The following LRCH3 variants were observed in gnomAD, a reference collection of about 807,000 sequenced individuals.
LRCH3 encodes the protein leucine rich repeats and calponin homology domain containing 3, also known as DISP complex protein LRCH3.
In LRCH3, 68 loss-of-function variants were observed where a neutral mutation model predicts 104.5. The ratio of observed to expected loss-of-function variants is 0.65; its 90% confidence interval spans 0.54 to 0.80. LRCH3 has a LOEUF of 0.80. LRCH3 is among the 30% of genes least tolerant of loss of function. The pLI is 0.00. For missense variants in LRCH3, 951 were observed against 953.9 expected, an observed-to-expected ratio of 1.00 and a Z score of 0.04; for synonymous variants, 344 against 361.3, an observed-to-expected ratio of 0.95 and a Z score of 0.54.
intron 15 of LRCH3, among the ~76,000 whole-genome samples, chr3:197,861,844 T>G (rs1415659016): frequency 2.6e-5 from 4 of 152,190 alleles, no homozygotes; most frequent in East Asian, 3.8e-4. Context: ...TCACAGTGAT[T>G]TAAGCTAATG....
At chr3:197,826,437 T>G (rs931242123) in intron 4 of LRCH3, among the ~76,000 whole-genome samples, 4 of 152,206 alleles carry the variant, frequency 2.6e-5, no homozygotes, top group Non-Finnish European at 5.9e-5. Context: ...CTGGGATCCC[T>G]TAGTTCCGAG....
intron 9 of LRCH3, among the ~76,000 whole-genome samples, chr3:197,838,226 C>T (rs1018945528): frequency 6.6e-6 from 1 of 152,236 alleles, no homozygotes; most frequent in Non-Finnish European, 1.5e-5. Context: ...TTGAGGCCGG[C>T]CTGGGCCACA....
chr3:197,857,100 G>A (rs1358470724), intron 14 of LRCH3, among the ~76,000 whole-genome samples: 1 of 148,136 alleles, frequency 6.8e-6, no homozygotes, highest in African/African-American at 2.5e-5. Flanking sequence ...CAGTTACACT[G>A]ACATTATCTT....
chr3:197,867,874 C>CAA (rs1335259955), intron 17 of LRCH3, among the ~76,000 whole-genome samples: 5 of 151,260 alleles, frequency 3.3e-5, no homozygotes, highest in Admixed American at 2.0e-4. Flanking sequence ...AACAAACAAA[C>CAA]AAAAAAAGGC....
In LRCH3 at chr3:197,847,907, G is replaced by T; in HGVS notation, c.1416G>T (p.Arg472Ser). Reference sequence around the variant, plus strand: ...CAGACCTGGAACTTCATCAGAGAAGGGAGCAGTTAGTAGAGCGCACTCGGA... The same window carrying T: ...CAGACCTGGAACTTCATCAGAGAAGTGAGCAGTTAGTAGAGCGCACTCGGA... The part of the protein sequence containing the change: ...SHTDLELHQR[R>S]EQLVERTRRE... The change falls in exon 12 of 21, where the codon AGG (arginine) becomes AGT (serine). Residue 472 changes from arginine to serine, a missense_variant. Transcript: ENST00000425562. 6.2e-7 allele frequency: 1 copy of T among 1,614,056 alleles called. No homozygotes were observed.
intron 4 of LRCH3, among the ~76,000 whole-genome samples, chr3:197,821,219 G>A (rs1405932608): frequency 6.6e-6 from 1 of 152,204 alleles, no homozygotes; most frequent in Admixed American, 6.6e-5. Flanking sequence ...AATGAACCAT[G>A]TGGAGGTGAT....
intron 15 of LRCH3, among the ~76,000 whole-genome samples, chr3:197,863,840 A>C (rs1446664704): frequency 6.6e-6 from 1 of 152,220 alleles, no homozygotes; most frequent in Non-Finnish European, 1.5e-5. Flanking sequence ...AAAATATTAA[A>C]TTTTATTCTC....
intron 1 of LRCH3, among the ~76,000 whole-genome samples, chr3:197,801,188 CATAAT>C (rs1377880778): frequency 1.3e-5 from 2 of 151,568 alleles, no homozygotes; most frequent in Admixed American, 6.6e-5. Context: ...AAGTGTGAAG[CATAAT>C]ATATACGGTG....
Position 197,879,925 on chromosome 3 carries a change from A to C in LRCH3, c.2209-3616A>C, listed in dbSNP as rs557792639. On this transcript the variant is annotated intron_variant, in intron 20 of 20. Coordinates refer to ENST00000425562, the MANE Select transcript of LRCH3 (RefSeq NM_001365715.1). ...TTCAGGCCTCACACGACCCTAAACC[A>C]ACATCCACTTCTGTGTATTGTATTT... Among the ~76,000 whole-genome samples the C allele has an allele frequency of 4.5e-4, 67 of 150,552 alleles. No individual in the cohort carries two copies. In the South Asian group the frequency reaches 0.011, roughly 24 times the overall value.
chr3:197,825,463 G>GTTTTTTTTTT (rs1491060533), intron 4 of LRCH3, among the ~76,000 whole-genome samples: 3 of 29,358 alleles, frequency 1.0e-4, no homozygotes, highest in Non-Finnish European at 1.4e-4. Flanking sequence ...GATCCTCTTT[G>GTTTTTTTTTT]ATTTTTTTTT....
At chr3:197,817,095 CT>C in intron 2 of LRCH3, 80 bp from the exon 3 acceptor site, 1 of 1,225,760 alleles carries the variant, frequency 8.2e-7, no homozygotes, top group Non-Finnish European at 1.1e-6. Flanking sequence ...TGTTATTTTA[CT>C]GAGTATAGCG....
chr3:197,802,644 A>G (rs1410463295), intron 1 of LRCH3, among the ~76,000 whole-genome samples: 1 of 152,084 alleles, frequency 6.6e-6, no homozygotes, highest in East Asian at 1.9e-4. Context: ...TTCTTTGGTG[A>G]GAGACTTACT....
chr3:197,848,290 C>A, intron 12 of LRCH3: 1 of 330,546 alleles, frequency 3.0e-6, no homozygotes, highest in Non-Finnish European at 5.6e-6. Flanking sequence ...TAGTAAAGAT[C>A]AGTAAGATGA....
chr3:197,821,738 G>A (rs1734514630), intron 4 of LRCH3, among the ~76,000 whole-genome samples: 1 of 152,190 alleles, frequency 6.6e-6, no homozygotes, highest in Admixed American at 6.5e-5. Flanking sequence ...GCAGTGGCAC[G>A]AACATGGCTC....
Position 197,831,172 on chromosome 3 carries a change from A to G in LRCH3, c.981+309A>G, listed in dbSNP as rs368929390. The G allele has an allele frequency of 1.9e-5, 5 of 257,612 alleles. No individual in the cohort carries two copies. The East Asian group carries it at 2.9e-4, about 15-fold the overall frequency. 16.0% of individuals were successfully genotyped at this position (257,612 alleles called of 1,614,324 possible). A position where few individuals can be genotyped will look rare whatever the true frequency, so the allele number is the denominator to read the frequency against. On this transcript the variant is annotated intron_variant, in intron 7 of 20. Coordinates refer to ENST00000425562, the MANE Select transcript of LRCH3 (RefSeq NM_001365715.1). ...TCTGAGGTGGGGGGTAATCTCGAGC[A>G]GAGGTGCTAGATGGTGAGAAAACAA... is the stretch of plus-strand genomic sequence containing the variant.
At chr3:197,870,392 G>A in intron 18 of LRCH3, 114 bp downstream of exon 18, 3 of 992,498 alleles carry the variant, frequency 3.0e-6, no homozygotes, top group Admixed American at 5.0e-5. Context: ...TTTAGACGGA[G>A]TCTCACTCTG....
intron 20 of LRCH3, chr3:197,882,836 C>G: frequency 1.0e-6 from 1 of 985,326 alleles, no homozygotes; most frequent in Non-Finnish European, 1.2e-6. Flanking sequence ...CATAGTAGTT[C>G]CCTGGAATAA....
chr3:197,882,892 A>G lies in LRCH3; in HGVS notation c.2209-649A>G, dbSNP rs931499883. 2.2e-5 allele frequency: 22 copies of G among 985,030 alleles called. No homozygotes were observed. In the African/African-American group the frequency reaches 3.7e-4, roughly 16 times the overall value. The allele number at this position is 985,030 out of a possible 1,614,324, so 61.0% of individuals were successfully genotyped here. ...GATATTAAATCCTTTACATTTTCAA[A>G]TACTGCTTTTAATTCTGTAATTCAG... is the stretch of plus-strand genomic sequence containing the variant. On this transcript the variant is annotated intron_variant, in intron 20 of 20. Coordinates refer to ENST00000425562, the MANE Select transcript of LRCH3 (RefSeq NM_001365715.1).
At chr3:197,869,737 C>G (rs1711871326) in intron 17 of LRCH3, among the ~76,000 whole-genome samples, 3 of 126,322 alleles carry the variant, frequency 2.4e-5, no homozygotes, top group Admixed American at 7.5e-5. Flanking sequence ...AAGCGATGCA[C>G]TGTACCTGCA....
Sources: allele counts gnomAD v4.1 joint callset (sites outside exome capture counted in the v4.1 genomes callset), GRCh38; gene constraint gnomAD v4.1.1; transcripts MANE v1.5; gene names NCBI Gene and HGNC (gene_info 2026-07-23, HGNC 2026-07-21).